ABHD17C: variants seen among roughly 807,000 people sequenced by gnomAD.
The protein encoded by ABHD17C is abhydrolase domain containing 17C, depalmitoylase, also known as alpha/beta hydrolase domain-containing protein 17C.
A neutral mutation model predicts 27.9 loss-of-function variants in ABHD17C; 11 were observed. The ratio of observed to expected loss-of-function variants is 0.39; its 90% confidence interval spans 0.25 to 0.65. The LOEUF is 0.65. ABHD17C is among the 30% of genes least tolerant of loss of function. ABHD17C has a pLI of 0.45. For missense variants in ABHD17C, 280 were observed against 470.2 expected (o/e 0.60, Z 3.74); for synonymous variants, 233 against 209.1 (o/e 1.11, Z -0.98).
intron 2 of ABHD17C, among the ~76,000 whole-genome samples, chr15:80,753,427 A>T (rs558459065): frequency 6.6e-6 from 1 of 152,254 alleles, no homozygotes; most frequent in Non-Finnish European, 1.5e-5. Context: ...TAATGCACCA[A>T]CGTTGGTGTT....
intron 2 of ABHD17C, 92 bp downstream of exon 2, chr15:80,749,784 A>T: frequency 2.1e-6 from 3 of 1,416,410 alleles, no homozygotes; most frequent in Non-Finnish European, 2.9e-6. Flanking sequence ...ATATTTATTG[A>T]ATGCAGCCAT....
Position 80,695,524 on chromosome 15 carries a change from A to G in ABHD17C, c.95A>G (p.Lys32Arg). The G allele has an allele frequency of 7.3e-7, 1 of 1,373,104 alleles. No individual in the cohort carries two copies. Among genetic ancestry groups the G allele is most frequent in the Non-Finnish European group, 9.5e-7 (1 of 1,050,880 alleles). 85.1% of individuals were successfully genotyped at this position (1,373,104 alleles called of 1,614,324 possible). ...CPPCPSRIAA[K>R]LAFLPPEPTY... is the part of the protein sequence containing the mutation. Reference sequence around the variant, plus strand: ...CCCTGCCCGAGCCGCATCGCCGCCAAGCTGGCCTTCCTGCCGCCCGAGCCC... The same window carrying G: ...CCCTGCCCGAGCCGCATCGCCGCCAGGCTGGCCTTCCTGCCGCCCGAGCCC... Residue 32 changes from lysine to arginine, a missense_variant, in exon 1 of 3, where the codon AAG becomes AGG. Transcript: ENST00000258884. The surrounding 1 kb of genome is among the most constrained non-coding windows in gnomAD (Gnocchi z 4.3).
At chr15:80,698,776 T>C (rs1422676726) in intron 1 of ABHD17C, among the ~76,000 whole-genome samples, 3 of 152,262 alleles carry the variant, frequency 2.0e-5, no homozygotes, top group Non-Finnish European at 4.4e-5. Context: ...TTCCATCCCA[T>C]GTGTCCATTC....
chr15:80,721,736 G>A (rs935554994), intron 1 of ABHD17C, among the ~76,000 whole-genome samples: 1 of 152,122 alleles, frequency 6.6e-6, no homozygotes, highest in African/African-American at 2.4e-5. Context: ...GCGTAAGGTG[G>A]TATTCCTTGC....
chr15:80,740,573 C>T (rs750573178), intron 1 of ABHD17C, among the ~76,000 whole-genome samples: 4 of 152,118 alleles, frequency 2.6e-5, no homozygotes, highest in Non-Finnish European at 5.9e-5. Context: ...GGACTGTGCT[C>T]AGGTACAGAG....
chr15:80,740,544 G>A (rs1254058997), intron 1 of ABHD17C, among the ~76,000 whole-genome samples: 6 of 152,104 alleles, frequency 3.9e-5, no homozygotes, highest in Non-Finnish European at 8.8e-5. Context: ...GGTTTATAAC[G>A]CCAAGGGCTG....
At chr15:80,715,380 A>G (rs1456174018) in intron 1 of ABHD17C, among the ~76,000 whole-genome samples, 1 of 152,228 alleles carries the variant, frequency 6.6e-6, no homozygotes, top group Admixed American at 6.5e-5. Context: ...CAAGGACAGT[A>G]GAGCCAGACC....
At chr15:80,741,982 C>T (rs1435334992) in intron 1 of ABHD17C, among the ~76,000 whole-genome samples, 2 of 152,220 alleles carry the variant, frequency 1.3e-5, no homozygotes, top group East Asian at 1.9e-4. Flanking sequence ...CCAGGTGGGA[C>T]GGAGTGGGAC....
intron 1 of ABHD17C, among the ~76,000 whole-genome samples, chr15:80,744,169 C>T (rs543166755): frequency 1.3e-5 from 2 of 152,226 alleles, no homozygotes; most frequent in Middle Eastern, 3.4e-3. Context: ...TGTAGTCCAA[C>T]TCTTTTTGCC....
At chr15:80,723,764 G>A (rs1335285840) in intron 1 of ABHD17C, among the ~76,000 whole-genome samples, 2 of 152,226 alleles carry the variant, frequency 1.3e-5, no homozygotes, top group Non-Finnish European at 2.9e-5. Flanking sequence ...AGAGGCTGCT[G>A]CTTTGCGTGG....
At chr15:80,742,167 A>G (rs1895220009) in intron 1 of ABHD17C, among the ~76,000 whole-genome samples, 2 of 152,224 alleles carry the variant, frequency 1.3e-5, no homozygotes, top group South Asian at 4.2e-4. Flanking sequence ...GATTTTTTTT[A>G]TGGGAGTTGC....
At chr15:80,745,321 A>G (rs1171190627) in intron 1 of ABHD17C, among the ~76,000 whole-genome samples, 2 of 152,018 alleles carry the variant, frequency 1.3e-5, no homozygotes, top group African/African-American at 4.8e-5. Flanking sequence ...TAATTTTGGT[A>G]GGTTTAAGTT....
In ABHD17C at chr15:80,751,220, C is replaced by T. The variant is rs191684119; in HGVS notation, c.770+1528C>T. Among the ~76,000 whole-genome samples the T allele has an allele frequency of 4.6e-3, 696 of 151,860 alleles. 5 individuals carry two copies. The highest frequency in any genetic ancestry group is 0.015 in the African/African-American group (638 of 41,432). ...CAAAAAAAAAAAATAATTAGACGAG[C>T]GTGGTGGTGCACACCTGTAATCCCA... On this transcript the variant is annotated intron_variant, in intron 2 of 2. Transcript: ENST00000258884.
intron 1 of ABHD17C, among the ~76,000 whole-genome samples, chr15:80,725,860 C>T (rs915159103): frequency 6.6e-6 from 1 of 152,018 alleles, no homozygotes; most frequent in Non-Finnish European, 1.5e-5. Flanking sequence ...GCTATTGTTG[C>T]TGTGCTGAGA....
chr15:80,744,795 T>G (rs919514756), intron 1 of ABHD17C, among the ~76,000 whole-genome samples: 44 of 152,242 alleles, frequency 2.9e-4, no homozygotes, highest in African/African-American at 9.9e-4. Context: ...TTTCATGTAT[T>G]GCTTTCAAGT....
chr15:80,709,596 C>G (rs1894702711), intron 1 of ABHD17C, among the ~76,000 whole-genome samples: 1 of 152,126 alleles, frequency 6.6e-6, no homozygotes, highest in African/African-American at 2.4e-5. Flanking sequence ...TCTGGATCAC[C>G]ATTTTCTTTA....
intron 2 of ABHD17C, among the ~76,000 whole-genome samples, chr15:80,751,385 TC>T (rs1350544891): frequency 6.6e-6 from 1 of 152,110 alleles, no homozygotes; most frequent in Non-Finnish European, 1.5e-5. Context: ...AGATGTTTGT[TC>T]AATTACTGTG....
At chr15:80,729,161 G>A (rs955948446) in intron 1 of ABHD17C, among the ~76,000 whole-genome samples, 7 of 152,160 alleles carry the variant, frequency 4.6e-5, no homozygotes, top group Non-Finnish European at 8.8e-5. Context: ...ACCACTGGAG[G>A]AATAAATTCT....
At chr15:80,728,519 TGATA>T (rs111956726) in intron 1 of ABHD17C, among the ~76,000 whole-genome samples, 14,007 of 152,224 alleles carry the variant, frequency 0.092, 871 homozygotes, top group Middle Eastern at 0.19. Flanking sequence ...TCCCCTCACT[TGATA>T]GATAGGAGAT....
Sources: gnomAD v4.1 joint callset for allele counts (sites outside exome capture counted in the v4.1 genomes callset) on GRCh38, gnomAD v4.1.1 for gene constraint, Gnocchi (gnomAD v3.1) non-coding constraint, MANE v1.5 for transcripts, NCBI Gene and HGNC (gene_info 2026-07-23, HGNC 2026-07-21) for gene names.